Variants in MDGA2 observed in about 807,000 individuals in gnomAD.
MDGA2 encodes MAM domain containing glycosylphosphatidylinositol anchor 2.
In MDGA2, 40 loss-of-function variants were observed where a neutral mutation model predicts 117.8. The observed-to-expected ratio is 0.34, with a 90% CI of 0.26 to 0.44. The LOEUF (loss-of-function observed/expected upper bound fraction) is 0.44, where lower values mean the gene tolerates loss of function less well. Ranked by LOEUF, MDGA2 falls within the 20% of genes least tolerant of loss-of-function variation. MDGA2 has a pLI of 1.00. For synonymous variants in MDGA2, 452 were observed against 439.0 expected (o/e 1.03, Z -0.37); for missense variants, 1,123 against 1,250.6 (o/e 0.90, Z 1.54).
intron 10 of MDGA2, among the ~76,000 whole-genome samples, chr14:46,904,399 T>C (rs1011208355): frequency 6.6e-6 from 1 of 150,918 alleles, no homozygotes; most frequent in Non-Finnish European, 1.5e-5. Flanking sequence ...AAATATTTGA[T>C]TAAGAAATTA....
intron 3 of MDGA2, among the ~76,000 whole-genome samples, chr14:47,158,013 ACAC>A (rs1461571000): frequency 6.6e-6 from 1 of 151,554 alleles, no homozygotes; most frequent in Non-Finnish European, 1.5e-5. Flanking sequence ...CTATACACAC[ACAC>A]ACACACACAC....
chr14:47,253,746 T>C (rs929242368), intron 2 of MDGA2, among the ~76,000 whole-genome samples: 3 of 152,112 alleles, frequency 2.0e-5, no homozygotes, highest in Non-Finnish European at 4.4e-5. Context: ...AGTGCCCCCA[T>C]GGAGACTCTG....
At chr14:47,109,151 T>G (rs979750808) in intron 5 of MDGA2, among the ~76,000 whole-genome samples, 2 of 152,212 alleles carry the variant, frequency 1.3e-5, no homozygotes, top group African/African-American at 4.8e-5. Context: ...AAGTGTTTGT[T>G]GTCCATAAAA....
chr14:46,889,732 G>A (rs184780704), intron 10 of MDGA2, among the ~76,000 whole-genome samples: 273 of 152,094 alleles, frequency 1.8e-3, no homozygotes, highest in Non-Finnish European at 2.8e-3. Context: ...CAGAACTACA[G>A]TAAGGCAAAG....
chr14:47,090,395 G>T, intron 6 of MDGA2, among the ~76,000 whole-genome samples: 1 of 149,654 alleles, frequency 6.7e-6, no homozygotes. Flanking sequence ...AAAAAAAAAT[G>T]CTGAAATAAT....
chr14:47,228,121 A>T (rs1886570213), intron 2 of MDGA2, among the ~76,000 whole-genome samples: 1 of 152,188 alleles, frequency 6.6e-6, no homozygotes, highest in Non-Finnish European at 1.5e-5. Flanking sequence ...CTTGATGAAA[A>T]GAGAATGTTA....
intron 1 of MDGA2, among the ~76,000 whole-genome samples, chr14:47,322,905 C>T (rs1008259816): frequency 1.3e-5 from 2 of 151,880 alleles, no homozygotes; most frequent in Admixed American, 6.6e-5. Context: ...TAACTGGAAT[C>T]GCCACTACCA....
chr14:47,609,925 T>C (rs1896817525), intron 1 of MDGA2, among the ~76,000 whole-genome samples: 1 of 151,986 alleles, frequency 6.6e-6, no homozygotes. Flanking sequence ...AAAAGAAAAC[T>C]ACTGACTGAT....
intron 1 of MDGA2, among the ~76,000 whole-genome samples, chr14:47,557,342 G>A (rs1895703796): frequency 6.6e-6 from 1 of 152,094 alleles, no homozygotes; most frequent in South Asian, 2.1e-4. Flanking sequence ...ATAAAATCAG[G>A]AACATGTCAG....
intron 9 of MDGA2, among the ~76,000 whole-genome samples, chr14:46,938,234 A>G (rs971267655): frequency 1.3e-5 from 2 of 152,028 alleles, no homozygotes; most frequent in Non-Finnish European, 2.9e-5. Flanking sequence ...AATGCAAATC[A>G]GAACCACAGT....
At chr14:47,072,867 G>C (rs1890344889) in intron 6 of MDGA2, among the ~76,000 whole-genome samples, 1 of 152,124 alleles carries the variant, frequency 6.6e-6, no homozygotes, top group Non-Finnish European at 1.5e-5. Context: ...AAGTGCCATA[G>C]CATATCTTTT....
At chr14:47,489,195 T>A (rs1330899378) in intron 1 of MDGA2, among the ~76,000 whole-genome samples, 2 of 127,824 alleles carry the variant, frequency 1.6e-5, no homozygotes, top group African/African-American at 5.2e-5. Flanking sequence ...TTAGTGCTTC[T>A]CTGACACAAA....
At chr14:47,021,945 TTTTATTA>T (rs1888300670) in intron 8 of MDGA2, among the ~76,000 whole-genome samples, 1 of 152,206 alleles carries the variant, frequency 6.6e-6, no homozygotes, top group African/African-American at 2.4e-5. Context: ...CTGTTTTGCA[TTTTATTA>T]TTTATTATTA....
intron 3 of MDGA2, among the ~76,000 whole-genome samples, chr14:47,172,108 T>C (rs902077409): frequency 1.3e-5 from 2 of 152,126 alleles, no homozygotes; most frequent in African/African-American, 4.8e-5. Context: ...GCACCCACCA[T>C]AGCCCAGGCT....
intron 1 of MDGA2, among the ~76,000 whole-genome samples, chr14:47,488,475 T>C (rs1306619012): frequency 2.6e-5 from 4 of 152,114 alleles, no homozygotes; most frequent in African/African-American, 9.7e-5. Flanking sequence ...ATCATAGAAA[T>C]GAATGCCACT....
intron 1 of MDGA2, among the ~76,000 whole-genome samples, chr14:47,386,869 A>G (rs778501525): frequency 1.3e-5 from 2 of 152,348 alleles, no homozygotes; most frequent in Middle Eastern, 3.4e-3. Flanking sequence ...GTGTCATCTT[A>G]GAAAGTGTCT....
intron 1 of MDGA2, among the ~76,000 whole-genome samples, chr14:47,476,443 A>C (rs936930569): frequency 6.6e-6 from 1 of 152,192 alleles, no homozygotes; most frequent in African/African-American, 2.4e-5. Flanking sequence ...AAATTTGTTA[A>C]GGAAATGAAT....
chr14:47,153,940 A>G (rs941963554), intron 3 of MDGA2, among the ~76,000 whole-genome samples: 20 of 152,174 alleles, frequency 1.3e-4, no homozygotes, highest in African/African-American at 4.8e-4. Context: ...GAGTTGTGTC[A>G]GTGGAGTGAT....
intron 6 of MDGA2, among the ~76,000 whole-genome samples, chr14:47,075,775 T>C (rs1890467502): frequency 6.6e-6 from 1 of 152,150 alleles, no homozygotes; most frequent in African/African-American, 2.4e-5. Flanking sequence ...CTATTCTTGA[T>C]ATTTAAAAAA....
Sources: allele counts gnomAD v4.1 joint callset (sites outside exome capture counted in the v4.1 genomes callset), GRCh38; gene constraint gnomAD v4.1.1; transcripts MANE v1.5; gene names NCBI Gene and HGNC (gene_info 2026-07-23, HGNC 2026-07-21).